VPS13B: variants seen among roughly 807,000 people sequenced by gnomAD.
The protein encoded by VPS13B is vacuolar protein sorting 13 homolog B, also known as intermembrane lipid transfer protein VPS13B.
Under a neutral mutation model 426.4 loss-of-function variants are expected in VPS13B, and 285 were observed. The observed-to-expected ratio is 0.67, with a 90% CI of 0.61 to 0.74. The LOEUF (loss-of-function observed/expected upper bound fraction) is 0.74, where lower values mean the gene tolerates loss of function less well. Ranked by LOEUF, VPS13B falls within the 30% of genes least tolerant of loss-of-function variation. The pLI is 0.00. For synonymous variants in VPS13B, 1,676 were observed against 1,676.4 expected (o/e 1.00, Z 0.01); for missense variants, 4,537 against 4,782.6 (o/e 0.95, Z 1.51).
chr8:99,336,214 T>C (rs900805532), intron 19 of VPS13B, among the ~76,000 whole-genome samples: 10 of 151,838 alleles, frequency 6.6e-5, no homozygotes, highest in South Asian at 2.1e-4. Context: ...ACGCCGCATA[T>C]CTACAACTAT....
chr8:99,380,594 T>A (rs1199572936), intron 19 of VPS13B, among the ~76,000 whole-genome samples: 1 of 152,090 alleles, frequency 6.6e-6, no homozygotes. Flanking sequence ...CATGGTAGAA[T>A]AGGAGTATAC....
At chr8:99,300,880 GTTTTTTT>G (rs34461801) in intron 19 of VPS13B, among the ~76,000 whole-genome samples, 1 of 123,774 alleles carries the variant, frequency 8.1e-6, no homozygotes, top group Non-Finnish European at 1.7e-5. Flanking sequence ...ATTTAATATA[GTTTTTTT>G]TTTTTTTTTT....
intron 19 of VPS13B, among the ~76,000 whole-genome samples, chr8:99,281,295 A>T (rs982227070): frequency 2.0e-5 from 3 of 152,176 alleles, no homozygotes; most frequent in South Asian, 2.1e-4. Context: ...CAGGCCACGG[A>T]CTAGTACAGG....
intron 43 of VPS13B, among the ~76,000 whole-genome samples, chr8:99,803,657 A>G (rs1813246174): frequency 6.6e-6 from 1 of 152,196 alleles, no homozygotes; most frequent in Admixed American, 6.5e-5. Flanking sequence ...AAATTTTTCT[A>G]CTTAGTTTTT....
intron 8 of VPS13B, among the ~76,000 whole-genome samples, chr8:99,130,480 C>T (rs1389997558): frequency 5.3e-5 from 8 of 151,446 alleles, no homozygotes; most frequent in Admixed American, 2.0e-4. Flanking sequence ...CTCTGCCTCC[C>T]GGGTTCACGC....
At chr8:99,723,697 A>G (rs1480769103) in intron 39 of VPS13B, among the ~76,000 whole-genome samples, 1 of 152,190 alleles carries the variant, frequency 6.6e-6, no homozygotes, top group East Asian at 1.9e-4. Context: ...TAGCCTTGGC[A>G]TATAAGCAAA....
At chr8:99,664,296 T>C (rs901359235) in intron 35 of VPS13B, among the ~76,000 whole-genome samples, 1 of 151,430 alleles carries the variant, frequency 6.6e-6, no homozygotes, top group Admixed American at 6.6e-5. Flanking sequence ...TGAGCCACCG[T>C]GCCCAGCCAG....
At position 99,832,410 on chromosome 8, in the gene VPS13B, A is replaced by T; in HGVS notation, c.9372A>T (p.Pro3124=). The change falls in exon 52 of 62, where the codon CCA becomes CCT. Residue 3124 remains proline (P), a synonymous_variant. Coordinates refer to ENST00000357162, the MANE Select transcript of VPS13B (RefSeq NM_152564.5). Reference sequence around the variant, plus strand: ...ACAGTGCTACTTTTAGCATTTGCCCAGGTGGAGAGCAGCCTGCTATGAAAT... The same window carrying T: ...ACAGTGCTACTTTTAGCATTTGCCCTGGTGGAGAGCAGCCTGCTATGAAAT... ...VPDSATFSIC[P]GGEQPAMKSS... is the part of the protein sequence containing the mutation. 1 of 1,485,732 alleles carries T rather than the reference A, an allele frequency of 6.7e-7. No individual in the cohort carries two copies. The highest frequency in any genetic ancestry group is 2.8e-5 in the East Asian group (1 of 35,824). The allele number at this position is 1,485,732 out of a possible 1,614,324, so 92.0% of individuals were successfully genotyped here.
chr8:99,508,280 T>C (rs1009787425), intron 28 of VPS13B, among the ~76,000 whole-genome samples: 10 of 152,208 alleles, frequency 6.6e-5, no homozygotes, highest in African/African-American at 2.2e-4. Flanking sequence ...ATGCCATTGT[T>C]TTCTTACAAC....
intron 56 of VPS13B, 33 bp downstream of exon 56, chr8:99,854,289 T>C: frequency 6.2e-7 from 1 of 1,604,582 alleles, no homozygotes; most frequent in Non-Finnish European, 8.5e-7. Flanking sequence ...TGTGATGAGC[T>C]AGAGCCCGGG....
At chr8:99,583,598 T>C (rs919045210) in intron 33 of VPS13B, among the ~76,000 whole-genome samples, 2 of 152,156 alleles carry the variant, frequency 1.3e-5, no homozygotes, top group African/African-American at 4.8e-5. Flanking sequence ...AATTCTTGTC[T>C]TTTAGTAGAA....
At chr8:99,367,788 G>A (rs373236760) in intron 19 of VPS13B, among the ~76,000 whole-genome samples, 13 of 152,150 alleles carry the variant, frequency 8.5e-5, no homozygotes, top group African/African-American at 2.9e-4. Context: ...CGAGTAGCTG[G>A]GATTACAGGC....
chr8:99,149,479 G>A (rs945527197), intron 14 of VPS13B, among the ~76,000 whole-genome samples: 34 of 152,114 alleles, frequency 2.2e-4, no homozygotes, highest in South Asian at 4.1e-4. Flanking sequence ...CACCACGCCC[G>A]ACTAATTTTT....
chr8:99,365,756 C>G (rs748660190), intron 19 of VPS13B, among the ~76,000 whole-genome samples: 98 of 151,858 alleles, frequency 6.5e-4, no homozygotes, highest in Non-Finnish European at 6.0e-4. Flanking sequence ...ACCTTGTGAT[C>G]CGCCCCCTTC....
rs528556909 is a variant in VPS13B at position 99,742,175 on chromosome 8, C to T, written c.7050+21128C>T. On this transcript the variant is annotated intron_variant, in intron 39 of 61. Coordinates refer to ENST00000357162, the MANE Select transcript of VPS13B (RefSeq NM_152564.5). ...CCGATCCCACAGAAATACAAACTAC[C>T]ATCAGAGAATACTATAAACACCTCT... Among the ~76,000 whole-genome samples, 7 of 152,232 alleles carry T rather than the reference C, an allele frequency of 4.6e-5. No homozygotes were observed. In the South Asian group the frequency reaches 1.4e-3, roughly 32 times the overall value.
intron 33 of VPS13B, among the ~76,000 whole-genome samples, chr8:99,593,991 G>T (rs544829298): frequency 6.6e-6 from 1 of 152,020 alleles, no homozygotes; most frequent in Admixed American, 6.6e-5. Flanking sequence ...TAGGTGATGG[G>T]ATGATCTGTG....
At position 99,431,567 on chromosome 8, in the gene VPS13B, C is replaced by T. The variant is rs1169113054; in HGVS notation, c.3113C>T (p.Ala1038Val). 6.2e-6 allele frequency: 10 copies of T among 1,613,206 alleles called. No individual in the cohort carries two copies. The highest frequency in any genetic ancestry group is 7.6e-6 in the Non-Finnish European group (9 of 1,179,720). The change falls in exon 22 of 62, where the codon GCC becomes GTC. Residue 1038 changes from alanine to valine, a missense_variant. Physicochemically the swap from Ala to Val is moderately conservative, Grantham distance 64. This residue lies in a region of VPS13B where 4,311 missense variants were observed against 4,474.3 expected (regional missense o/e 0.96). Coordinates refer to ENST00000357162, the MANE Select transcript of VPS13B (RefSeq NM_152564.5). ...ESRPLSVPVK[A>V]MLNISESCRS... Reference sequence around the variant, plus strand: ...CGCCCATTGTCAGTTCCTGTTAAAGCCATGTTGAATATATCTGAAAGCTGT... The same window carrying T: ...CGCCCATTGTCAGTTCCTGTTAAAGTCATGTTGAATATATCTGAAAGCTGT...
At chr8:99,498,462 A>G (rs1051894460) in intron 25 of VPS13B, among the ~76,000 whole-genome samples, 1 of 152,102 alleles carries the variant, frequency 6.6e-6, no homozygotes, top group Non-Finnish European at 1.5e-5. Context: ...GCACACCAAC[A>G]TGGCACATGT....
intron 19 of VPS13B, 128 bp from the exon 20 acceptor site, chr8:99,384,080 C>A: frequency 1.2e-6 from 1 of 816,700 alleles, no homozygotes; most frequent in East Asian, 2.5e-5. Context: ...TGCATTCCTC[C>A]ACATCCTTTC....
Sources: gnomAD v4.1 joint callset for allele counts (sites outside exome capture counted in the v4.1 genomes callset) on GRCh38, gnomAD v4.1.1 for gene constraint, gnomAD v4.1.1 regional missense constraint, MANE v1.5 for transcripts, NCBI Gene and HGNC (gene_info 2026-07-23, HGNC 2026-07-21) for gene names.